The following DNAL1 variants were observed in gnomAD, a reference collection of about 807,000 sequenced individuals.
DNAL1 encodes the protein dynein axonemal light chain 1, also known as chromosome 14 open reading frame 168.
In DNAL1, 17 loss-of-function variants were observed where a neutral mutation model predicts 29.4. The observed-to-expected ratio is 0.58, with a 90% CI of 0.40 to 0.87. DNAL1 has a LOEUF of 0.87. DNAL1 is among the 40% of genes least tolerant of loss of function. The probability of loss-of-function intolerance (pLI) is 0.00; values close to 1 mark genes in which losing one functional copy is unlikely to be tolerated. For synonymous variants in DNAL1, 78 were observed against 76.3 expected (o/e 1.02, Z -0.12); for missense variants, 188 against 214.1 (o/e 0.88, Z 0.76).
Position 73,645,321 on chromosome 14 carries a change from G to A in DNAL1, c.3+279G>A, listed in dbSNP as rs73295374. ...AAGAGCAGGAAATTCTCTAAAAAGA[G>A]CGTATTGGAGTGGGAAGGGTGATGG... On this transcript the variant is annotated intron_variant, in intron 1 of 7. Coordinates refer to ENST00000553645, the MANE Select transcript of DNAL1 (RefSeq NM_031427.4). Among the ~76,000 whole-genome samples, 283 of 152,314 alleles carry A rather than the reference G, an allele frequency of 1.9e-3. 1 individual carries two copies. Among genetic ancestry groups the A allele is most frequent in the African/African-American group, 6.4e-3 (267 of 41,566 alleles).
chr14:73,687,195 A>G, intron 5 of DNAL1, 64 bp from the exon 6 acceptor site: 1 of 1,590,374 alleles, frequency 6.3e-7, no homozygotes, highest in Admixed American at 1.7e-5. Context: ...GTATATCTTT[A>G]TAAAGAAGAA....
intron 6 of DNAL1, among the ~76,000 whole-genome samples, chr14:73,688,885 G>A (rs918072272): frequency 4.6e-5 from 7 of 152,062 alleles, no homozygotes; most frequent in Non-Finnish European, 8.8e-5. Flanking sequence ...ATCCTGTACT[G>A]TCTTCTGAGA....
chr14:73,699,220 T>A lies in DNAL1; in HGVS notation c.*3278T>A, dbSNP rs1892371997. ...CATTTATTTTCAGTCTGTAGCCATG[T>A]GCCACTTGAATTGTTATATGAGAGA... On this transcript the variant is annotated 3_prime_UTR_variant, in exon 8 of 8. Transcript: ENST00000553645. The A allele has an allele frequency of 6.6e-6, 1 of 152,318 alleles. No individual in the cohort carries two copies. Among genetic ancestry groups the A allele is most frequent in the African/African-American group, 2.4e-5 (1 of 41,574 alleles). The allele number at this position is 152,318 out of a possible 1,614,324, so 9.4% of individuals were successfully genotyped here. A position where few individuals can be genotyped will look rare whatever the true frequency, so the allele number is the denominator to read the frequency against.
chr14:73,672,907 C>G (rs928594190), intron 5 of DNAL1: 1 of 151,552 alleles, frequency 6.6e-6, no homozygotes, highest in African/African-American at 2.4e-5. Context: ...AGGCGCCCAC[C>G]ACCACACCTG....
At chr14:73,690,032 C>T (rs1016318342) in intron 7 of DNAL1, among the ~76,000 whole-genome samples, 1 of 103,694 alleles carries the variant, frequency 9.6e-6, no homozygotes, top group African/African-American at 4.6e-5. Context: ...AGTGAAATTC[C>T]GTCTCAAAAA....
chr14:73,654,090 G>A (rs912117570), intron 1 of DNAL1, among the ~76,000 whole-genome samples: 6 of 152,092 alleles, frequency 3.9e-5, no homozygotes, highest in African/African-American at 1.4e-4. Context: ...AAATAAAGTG[G>A]TTAATATTTT....
At chr14:73,645,894 A>G (rs1890965576) in intron 1 of DNAL1, among the ~76,000 whole-genome samples, 1 of 152,222 alleles carries the variant, frequency 6.6e-6, no homozygotes, top group South Asian at 2.1e-4. Flanking sequence ...AGAGCTATTG[A>G]GCAAAGTATG....
At chr14:73,665,964 A>T (rs150348322) in intron 4 of DNAL1, among the ~76,000 whole-genome samples, 18 of 152,324 alleles carry the variant, frequency 1.2e-4, no homozygotes, top group Non-Finnish European at 2.4e-4. Flanking sequence ...TCAATTATTC[A>T]TGTCTGCTGT....
At chr14:73,690,037 C>CA (rs569314573) in intron 7 of DNAL1, among the ~76,000 whole-genome samples, 483 of 33,268 alleles carry the variant, frequency 0.015, 10 homozygotes, top group South Asian at 0.13. Flanking sequence ...AATTCCGTCT[C>CA]AAAAAAAAAA....
At chr14:73,684,033 A>G (rs1245918524) in intron 5 of DNAL1, among the ~76,000 whole-genome samples, 1 of 152,178 alleles carries the variant, frequency 6.6e-6, no homozygotes, top group Admixed American at 6.5e-5. Context: ...GATTCCACAT[A>G]TGAGTGAGAT....
intron 1 of DNAL1, among the ~76,000 whole-genome samples, chr14:73,645,951 C>A (rs566400834): frequency 3.2e-4 from 49 of 152,322 alleles, no homozygotes; most frequent in Admixed American, 2.6e-4. Context: ...AGCATAATTA[C>A]TTGTCTTCTT....
At chr14:73,654,808 C>T in intron 1 of DNAL1, 39 bp from the exon 2 acceptor site, 1 of 1,496,832 alleles carries the variant, frequency 6.7e-7, no homozygotes, top group Non-Finnish European at 8.9e-7. Flanking sequence ...ATACATACAA[C>T]TTTGTTTTTT....
In DNAL1 at chr14:73,654,876, A is replaced by C. The variant is rs1263082027; in HGVS notation, c.33A>C (p.Leu11Phe). Residue 11 changes from leucine (L) to phenylalanine (F), a missense_variant, in exon 2 of 8, where the codon TTA becomes TTC. Leu to Phe is a conservative substitution (Grantham distance 22). Transcript: ENST00000553645. ...AAGCAACAACAATCAAAGAAGCCTT[A>C]GCGAGATGGGTGAGTACATGAGTTT... MAKATTIKEA[L>F]ARWEEKTGQR... 1 of 1,541,280 alleles carries C rather than the reference A, an allele frequency of 6.5e-7. No homozygotes were observed. Among genetic ancestry groups the C allele is most frequent in the East Asian group, 2.4e-5 (1 of 40,842 alleles).
chr14:73,681,120 G>C (rs1354249094), intron 5 of DNAL1, among the ~76,000 whole-genome samples: 1 of 151,428 alleles, frequency 6.6e-6, no homozygotes, highest in Non-Finnish European at 1.5e-5. Context: ...TGTTGTTGTT[G>C]GGTTTGTTGT....
chr14:73,692,838 A>G (rs1892207142), intron 7 of DNAL1, among the ~76,000 whole-genome samples: 1 of 149,068 alleles, frequency 6.7e-6, no homozygotes, highest in South Asian at 2.1e-4. Flanking sequence ...AAACTGAGGG[A>G]TCTTTTTTTT....
At chr14:73,695,624 G>A (rs551919996) in intron 7 of DNAL1, among the ~76,000 whole-genome samples, 2 of 152,094 alleles carry the variant, frequency 1.3e-5, no homozygotes, top group South Asian at 2.1e-4. Flanking sequence ...CTGCCTCCCG[G>A]GTTCAAGCGA....
intron 5 of DNAL1, among the ~76,000 whole-genome samples, chr14:73,677,370 A>G (rs1052147705): frequency 6.6e-6 from 1 of 150,514 alleles, no homozygotes; most frequent in South Asian, 2.1e-4. Context: ...GGGTCTCGCT[A>G]TGTTGTCCAG....
intron 7 of DNAL1, among the ~76,000 whole-genome samples, chr14:73,692,607 C>T (rs542824829): frequency 1.4e-5 from 2 of 143,834 alleles, no homozygotes; most frequent in South Asian, 2.2e-4. Flanking sequence ...TGCAGTGAGC[C>T]GAGAAAAAAA....
At chr14:73,688,855 A>G (rs1204195449) in intron 6 of DNAL1, among the ~76,000 whole-genome samples, 2 of 152,040 alleles carry the variant, frequency 1.3e-5, no homozygotes, top group African/African-American at 4.8e-5. Context: ...GTAGAGAGGT[A>G]TGTCTTCTTT....
Sources: allele counts gnomAD v4.1 joint callset (sites outside exome capture counted in the v4.1 genomes callset), GRCh38; gene constraint gnomAD v4.1.1; transcripts MANE v1.5; gene names NCBI Gene and HGNC (gene_info 2026-07-23, HGNC 2026-07-21).